Variants in LINGO2 observed in about 807,000 individuals in gnomAD.
LINGO2 encodes the protein leucine-rich repeat and immunoglobulin-like domain-containing nogo receptor-interacting protein 2.
In LINGO2, 14 loss-of-function variants were observed where a neutral mutation model predicts 30.6. The observed-to-expected ratio is 0.46, with a 90% CI of 0.30 to 0.72. The LOEUF (loss-of-function observed/expected upper bound fraction) is 0.72, where lower values mean the gene tolerates loss of function less well. LINGO2 is among the 30% of genes least tolerant of loss of function. The pLI, the probability that LINGO2 is intolerant of heterozygous loss-of-function variation, is 0.07. For missense variants in LINGO2, 729 were observed against 751.7 expected, an observed-to-expected ratio of 0.97 and a Z score of 0.35; for synonymous variants, 317 against 288.5, an observed-to-expected ratio of 1.10 and a Z score of -1.00.
At chr9:28,065,635 A>G (rs1825290942) in intron 4 of LINGO2, among the ~76,000 whole-genome samples, 1 of 152,166 alleles carries the variant, frequency 6.6e-6, no homozygotes, top group Admixed American at 6.6e-5. Flanking sequence ...TAAATAAGTG[A>G]AACTCCTCCA....
chr9:28,422,390 G>A (rs1318869497), intron 2 of LINGO2, among the ~76,000 whole-genome samples: 2 of 151,976 alleles, frequency 1.3e-5, no homozygotes, highest in African/African-American at 4.8e-5. Context: ...AAGAAGATGT[G>A]CAAATGGCCA....
At chr9:28,784,051 A>G in the LINGO2 span, among the ~76,000 whole-genome samples, 2 of 152,202 alleles carry the variant, frequency 1.3e-5, no homozygotes, top group African/African-American at 4.8e-5. Flanking sequence ...TCGGGTTTAT[A>G]ATTTCATCCT....
chr9:28,172,380 G>T (rs1420460895), intron 4 of LINGO2, among the ~76,000 whole-genome samples: 7 of 146,948 alleles, frequency 4.8e-5, no homozygotes, highest in South Asian at 2.2e-4. Context: ...GACAGAGCGA[G>T]ACTCCGTCTC....
chr9:28,250,984 C>A (rs576474060), intron 4 of LINGO2, among the ~76,000 whole-genome samples: 2 of 152,210 alleles, frequency 1.3e-5, no homozygotes, highest in East Asian at 1.9e-4. Context: ...GTTGGGGAAC[C>A]TGTTCTTCGC....
intron 1 of LINGO2, among the ~76,000 whole-genome samples, chr9:28,616,881 G>A (rs1169313425): frequency 1.3e-5 from 2 of 152,144 alleles, no homozygotes; most frequent in Non-Finnish European, 2.9e-5. Context: ...CCTTTCAAAA[G>A]CACATCCAAA....
At position 28,563,731 on chromosome 9, in the gene LINGO2, A is replaced by G. The variant is rs551497491; in HGVS notation, c.-364-87706T>C. Among the ~76,000 whole-genome samples, 7 of 152,218 alleles carry G rather than the reference A, an allele frequency of 4.6e-5. No individual in the cohort carries two copies. The East Asian group carries it at 1.2e-3, about 25-fold the overall frequency. On this transcript the variant is annotated intron_variant, in intron 1 of 5. Transcript: ENST00000379992. Reference sequence around the variant, plus strand: ...GTCCTCATGAAAAATCATCTAAATGATATCTTTGTGGAGACTATGATGCTC... The same window carrying G: ...GTCCTCATGAAAAATCATCTAAATGGTATCTTTGTGGAGACTATGATGCTC...
chr9:28,411,655 A>G (rs1822768861), intron 2 of LINGO2, among the ~76,000 whole-genome samples: 1 of 152,104 alleles, frequency 6.6e-6, no homozygotes, highest in Admixed American at 6.6e-5. Context: ...CATTTTGCTT[A>G]TCCATTCATC....
At chr9:28,871,519 G>A in the LINGO2 span, among the ~76,000 whole-genome samples, 3 of 151,474 alleles carry the variant, frequency 2.0e-5, no homozygotes, top group Admixed American at 6.6e-5. Flanking sequence ...AATATATTCA[G>A]CATTAAAATA....
chr9:28,771,847 CT>C, the LINGO2 span, among the ~76,000 whole-genome samples: 4 of 152,080 alleles, frequency 2.6e-5, no homozygotes, highest in South Asian at 6.2e-4. Flanking sequence ...CAGTATAGAT[CT>C]TTTTTTGTAA....
the LINGO2 span, among the ~76,000 whole-genome samples, chr9:28,867,682 C>T: frequency 6.6e-6 from 1 of 152,096 alleles, no homozygotes; most frequent in Non-Finnish European, 1.5e-5. Context: ...ATAATCCCTG[C>T]CTTCAACACG....
chr9:28,027,444 GA>G (rs746453467), intron 4 of LINGO2, among the ~76,000 whole-genome samples: 1 of 151,868 alleles, frequency 6.6e-6, no homozygotes, highest in Non-Finnish European at 1.5e-5. Flanking sequence ...CCAGTTTATT[GA>G]ACTACACATA....
At chr9:28,751,508 C>G in the LINGO2 span, among the ~76,000 whole-genome samples, 1 of 151,820 alleles carries the variant, frequency 6.6e-6, no homozygotes, top group Non-Finnish European at 1.5e-5. Flanking sequence ...ACATGACACA[C>G]CTATCACTCC....
At chr9:28,077,824 T>A (rs1360080272) in intron 4 of LINGO2, among the ~76,000 whole-genome samples, 2 of 148,884 alleles carry the variant, frequency 1.3e-5, no homozygotes, top group East Asian at 1.9e-4. Context: ...AAAAGAAAGA[T>A]AAGAAAAGGA....
chr9:28,011,043 G>C (rs899051994), intron 5 of LINGO2, among the ~76,000 whole-genome samples: 1 of 152,098 alleles, frequency 6.6e-6, no homozygotes, highest in Non-Finnish European at 1.5e-5. Flanking sequence ...AGTCAATTAG[G>C]TACAATAACA....
At chr9:29,039,305 T>C in the LINGO2 span, among the ~76,000 whole-genome samples, 2 of 152,164 alleles carry the variant, frequency 1.3e-5, no homozygotes, top group African/African-American at 2.4e-5. Context: ...AGGAGAAATA[T>C]AGTCTTTGTA....
chr9:27,969,289 C>A (rs987092216), intron 5 of LINGO2, among the ~76,000 whole-genome samples: 3 of 151,978 alleles, frequency 2.0e-5, no homozygotes, highest in African/African-American at 7.2e-5. Context: ...TATATGAAAG[C>A]TTCATTGAGT....
At chr9:28,737,817 TACAAACACACAC>T in the LINGO2 span, among the ~76,000 whole-genome samples, 2 of 152,030 alleles carry the variant, frequency 1.3e-5, no homozygotes, top group Admixed American at 6.6e-5. Context: ...AGTTATAAAA[TACAAACACACAC>T]ACAAACACAC....
At chr9:28,495,069 G>T (rs533348143) in intron 1 of LINGO2, among the ~76,000 whole-genome samples, 25 of 152,078 alleles carry the variant, frequency 1.6e-4, no homozygotes, top group Non-Finnish European at 2.8e-4. Flanking sequence ...GGGGTTGTTT[G>T]TTTTTTCTTG....
chr9:28,546,654 G>C (rs1287526976), intron 1 of LINGO2, among the ~76,000 whole-genome samples: 3 of 152,010 alleles, frequency 2.0e-5, no homozygotes, highest in Non-Finnish European at 4.4e-5. Context: ...GCTGGCTTTT[G>C]GGGAAAGTAG....
Sources: gnomAD v4.1 joint callset for allele counts (sites outside exome capture counted in the v4.1 genomes callset) on GRCh38, gnomAD v4.1.1 for gene constraint, MANE v1.5 for transcripts, NCBI Gene and HGNC (gene_info 2026-07-23, HGNC 2026-07-21) for gene names.